ADCY8: variants seen among roughly 807,000 people sequenced by gnomAD.
The protein encoded by ADCY8 is adenylate cyclase type 8.
A neutral mutation model predicts 119.7 loss-of-function variants in ADCY8; 51 were observed. The ratio of observed to expected loss-of-function variants is 0.43; its 90% CI spans 0.34 to 0.54. ADCY8 has a LOEUF of 0.54. Ranked by LOEUF, ADCY8 falls within the 20% of genes least tolerant of loss-of-function variation. The pLI is 0.03. For synonymous variants in ADCY8, 665 were observed against 651.0 expected (o/e 1.02, Z -0.33); for missense variants, 1,383 against 1,598.8 (o/e 0.87, Z 2.30).
At chr8:130,995,090 C>G (rs1822731673) in intron 1 of ADCY8, among the ~76,000 whole-genome samples, 1 of 152,154 alleles carries the variant, frequency 6.6e-6, no homozygotes, top group African/African-American at 2.4e-5. Context: ...ATGTGTGAAT[C>G]TGGCAATATC....
At chr8:130,880,775 T>C (rs1162666099) in intron 8 of ADCY8, among the ~76,000 whole-genome samples, 1 of 152,018 alleles carries the variant, frequency 6.6e-6, no homozygotes, top group Non-Finnish European at 1.5e-5. Context: ...TTTTTTAGAG[T>C]GAAGGGAGGT....
chr8:130,932,801 C>A lies in ADCY8; in HGVS notation c.1481+4272G>T, dbSNP rs917314977. Among the ~76,000 whole-genome samples the A allele has an allele frequency of 3.3e-5, 5 of 151,984 alleles. No homozygotes were observed. The South Asian group carries it at 1.0e-3, about 31-fold the overall frequency. On this transcript the variant is annotated intron_variant, in intron 5 of 17. Transcript: ENST00000286355. ...TGCCAATGCACTAACTAGCAGTGGACGACCCTGGCCTTTCGTGATATTGGC... is the reference window on the plus strand; with the variant it reads ...TGCCAATGCACTAACTAGCAGTGGAAGACCCTGGCCTTTCGTGATATTGGC...
At chr8:130,987,546 C>T (rs1050768533) in intron 2 of ADCY8, among the ~76,000 whole-genome samples, 4 of 152,128 alleles carry the variant, frequency 2.6e-5, no homozygotes, top group Non-Finnish European at 4.4e-5. Flanking sequence ...AAAACCCAGT[C>T]ATTTCTGTTG....
At chr8:131,014,781 G>A (rs968969842) in intron 1 of ADCY8, among the ~76,000 whole-genome samples, 1 of 152,206 alleles carries the variant, frequency 6.6e-6, no homozygotes, top group African/African-American at 2.4e-5. Flanking sequence ...ATAGGTTGTT[G>A]TGACTGAGTG....
chr8:130,844,590 G>A (rs1268360931), intron 11 of ADCY8, among the ~76,000 whole-genome samples: 1 of 152,120 alleles, frequency 6.6e-6, no homozygotes, highest in Non-Finnish European at 1.5e-5. Flanking sequence ...CTGGGGAGTT[G>A]GATTAACTCT....
At chr8:130,787,233 A>G (rs1041954731) in intron 15 of ADCY8, among the ~76,000 whole-genome samples, 3 of 152,140 alleles carry the variant, frequency 2.0e-5, no homozygotes, top group Non-Finnish European at 1.5e-5. Context: ...TCTTATTGTC[A>G]TGAGGGGAGG....
intron 9 of ADCY8, among the ~76,000 whole-genome samples, chr8:130,854,265 C>G (rs1484938132): frequency 6.6e-6 from 1 of 152,196 alleles, no homozygotes; most frequent in Non-Finnish European, 1.5e-5. Flanking sequence ...GGCAAGGAAA[C>G]CTTTCATTTC....
chr8:130,851,838 A>G (rs995175579), intron 9 of ADCY8, among the ~76,000 whole-genome samples: 16 of 152,336 alleles, frequency 1.1e-4, no homozygotes, highest in Admixed American at 8.5e-4. Context: ...AAGTTGATAA[A>G]GTTGATTTTG....
intron 1 of ADCY8, among the ~76,000 whole-genome samples, chr8:131,032,202 AC>A (rs1824018120): frequency 6.6e-6 from 1 of 152,186 alleles, no homozygotes; most frequent in Admixed American, 6.5e-5. Flanking sequence ...AATGTGATTT[AC>A]TTTCATATCC....
intron 1 of ADCY8, among the ~76,000 whole-genome samples, chr8:131,018,105 G>A (rs908496691): frequency 6.6e-5 from 10 of 152,132 alleles, no homozygotes; most frequent in African/African-American, 2.2e-4. Context: ...GGAAAGAAGT[G>A]GGCTTTGAAG....
At chr8:130,888,662 AG>A (rs940122643) in intron 7 of ADCY8, among the ~76,000 whole-genome samples, 27 of 152,110 alleles carry the variant, frequency 1.8e-4, no homozygotes, top group Non-Finnish European at 3.7e-4. Flanking sequence ...CTTGCTTGAC[AG>A]TTTGGGGGTT....
intron 5 of ADCY8, among the ~76,000 whole-genome samples, chr8:130,925,436 CTTA>C (rs1170038410): frequency 2.6e-5 from 4 of 152,062 alleles, no homozygotes; most frequent in Non-Finnish European, 5.9e-5. Context: ...AAATTGGGAT[CTTA>C]TTATCCTCAT....
intron 2 of ADCY8, among the ~76,000 whole-genome samples, chr8:130,962,862 G>C (rs1045079533): frequency 6.6e-6 from 1 of 152,148 alleles, no homozygotes; most frequent in Non-Finnish European, 1.5e-5. Flanking sequence ...TCCAGGCACT[G>C]GGGAGAGACT....
chr8:130,876,604 C>T (rs564932083), intron 8 of ADCY8, among the ~76,000 whole-genome samples: 3 of 152,116 alleles, frequency 2.0e-5, no homozygotes, highest in African/African-American at 7.2e-5. Flanking sequence ...TTTCAGGCTA[C>T]CTTTATCAAG....
chr8:131,031,117 A>G (rs1823983665), intron 1 of ADCY8, among the ~76,000 whole-genome samples: 1 of 152,146 alleles, frequency 6.6e-6, no homozygotes, highest in Admixed American at 6.5e-5. Context: ...CCTACATAGG[A>G]TATTCCTATA....
intron 16 of ADCY8, among the ~76,000 whole-genome samples, chr8:130,784,813 A>G (rs929481008): frequency 1.3e-5 from 2 of 151,824 alleles, no homozygotes; most frequent in Non-Finnish European, 2.9e-5. Context: ...ATTGGAAGAA[A>G]TTGATGAGAA....
At chr8:130,893,766 A>ATG (rs992880340) in intron 7 of ADCY8, among the ~76,000 whole-genome samples, 3 of 128,476 alleles carry the variant, frequency 2.3e-5, no homozygotes, top group South Asian at 2.6e-4. Flanking sequence ...GTGCATGTTT[A>ATG]TGTGTGTGTG....
intron 9 of ADCY8, among the ~76,000 whole-genome samples, chr8:130,853,606 G>A (rs933480445): frequency 2.0e-5 from 3 of 149,262 alleles, no homozygotes; most frequent in South Asian, 4.2e-4. Flanking sequence ...CTCATTTAGC[G>A]ATTGAACTTA....
intron 2 of ADCY8, among the ~76,000 whole-genome samples, chr8:130,963,335 T>C (rs1586611198): frequency 6.6e-6 from 1 of 152,204 alleles, no homozygotes; most frequent in Non-Finnish European, 1.5e-5. Flanking sequence ...AAATGGTCAA[T>C]GAAGAAATTT....
Sources: allele counts gnomAD v4.1 joint callset (sites outside exome capture counted in the v4.1 genomes callset), GRCh38; gene constraint gnomAD v4.1.1; transcripts MANE v1.5; gene names NCBI Gene and HGNC (gene_info 2026-07-23, HGNC 2026-07-21).